The following ZNF786 variants were observed in gnomAD, a reference collection of about 807,000 sequenced individuals.
The protein encoded by ZNF786 is zinc finger protein 786.
ZNF786 carries 56 observed loss-of-function variants against 63.1 expected under a neutral mutation model. That is an observed-to-expected ratio of 0.89 (90% confidence interval 0.72 to 1.11). ZNF786 has a LOEUF of 1.11. ZNF786 is among the 50% of genes least tolerant of loss of function. The probability of loss-of-function intolerance (pLI) is 0.00; values close to 1 mark genes in which losing one functional copy is unlikely to be tolerated. For missense variants in ZNF786, 1,213 were observed against 1,041.8 expected (o/e 1.16, Z -2.26); for synonymous variants, 485 against 406.9 (o/e 1.19, Z -2.31).
In ZNF786 at chr7:149,072,342, G is replaced by A. The variant is rs747121177; in HGVS notation, c.430C>T (p.His144Tyr). Residue 144 changes from histidine to tyrosine, a missense_variant, in exon 4 of 4, where the codon CAC becomes TAC. Physicochemically the swap from His to Tyr is moderately conservative, Grantham distance 83 (BLOSUM62 2). Coordinates refer to ENST00000491431, the MANE Select transcript of ZNF786 (RefSeq NM_152411.4). ...QGITLGSPQR[H>Y]DARAPPPLAC... Reference sequence around the variant, plus strand: ...AGTGGTGGAGGAGCCCTGGCGTCGTGTCTCTGTGGGCTCCCGAGGGTGATG... The same window carrying A: ...AGTGGTGGAGGAGCCCTGGCGTCGTATCTCTGTGGGCTCCCGAGGGTGATG... 1 of 1,613,796 alleles carries A rather than the reference G, an allele frequency of 6.2e-7. No homozygotes were observed. The highest frequency in any genetic ancestry group is 1.1e-5 in the South Asian group (1 of 91,020).
intron 1 of ZNF786, among the ~76,000 whole-genome samples, chr7:149,084,966 G>C (rs1320900929): frequency 1.3e-5 from 2 of 152,140 alleles, no homozygotes; most frequent in East Asian, 3.8e-4. Context: ...GTTGATTTTT[G>C]TATATGGTGT....
rs1415245120 is a variant in ZNF786, at chr7:149,072,348, G to C, written c.424C>G (p.Gln142Glu). Reference protein sequence around the residue: ...PDQGITLGSPQRHDARAPPPL... With the variant: ...PDQGITLGSPERHDARAPPPL... ...GGAGGAGCCCTGGCGTCGTGTCTCT[G>C]TGGGCTCCCGAGGGTGATGCCTTGG... The change falls in exon 4 of 4, where the codon CAG (glutamine) becomes GAG (glutamate). Residue 142 changes from glutamine (Q) to glutamate (E), a missense_variant. Physicochemically the swap from Gln to Glu is conservative, Grantham distance 29 (BLOSUM62 2). Transcript: ENST00000491431. 6.2e-7 allele frequency: 1 copy of C among 1,613,654 alleles called. No homozygotes were observed. The highest frequency in any genetic ancestry group is 1.7e-5 in the Admixed American group (1 of 59,960).
intron 2 of ZNF786, among the ~76,000 whole-genome samples, chr7:149,076,062 C>A (rs1042171208): frequency 2.6e-5 from 4 of 151,988 alleles, no homozygotes; most frequent in African/African-American, 9.7e-5. Context: ...GTACATTATT[C>A]CTATGCATGT....
chr7:149,071,887 A>T lies in ZNF786; in HGVS notation c.885T>A (p.Pro295=), dbSNP rs1825428379. 8.7e-6 allele frequency: 14 copies of T among 1,603,062 alleles called. No individual in the cohort carries two copies. Among genetic ancestry groups the T allele is most frequent in the Non-Finnish European group, 1.2e-5 (14 of 1,176,654 alleles). The change falls in exon 4 of 4, where the codon CCT becomes CCA. Residue 295 remains proline, a synonymous_variant. Coordinates refer to ENST00000491431, the MANE Select transcript of ZNF786 (RefSeq NM_152411.4). Reference sequence around the variant, plus strand: ...GCTTGCCGCATGGGGTGCACTGGGCAGGCTTCTCCCCCTGCTGCGGGAGGC... The same window carrying T: ...GCTTGCCGCATGGGGTGCACTGGGCTGGCTTCTCCCCCTGCTGCGGGAGGC... ...SHRLPQQGEK[P]AQCTPCGKRS...
At chr7:149,086,713 G>C (rs776211812) in intron 1 of ZNF786, among the ~76,000 whole-genome samples, 4 of 152,022 alleles carry the variant, frequency 2.6e-5, no homozygotes, top group South Asian at 2.1e-4. Context: ...AAGACAGAAG[G>C]GGGGATGTCA....
chr7:149,081,600 A>C (rs1015959895), intron 1 of ZNF786, among the ~76,000 whole-genome samples: 1 of 152,176 alleles, frequency 6.6e-6, no homozygotes, highest in Non-Finnish European at 1.5e-5. Context: ...AAAAGAATGC[A>C]GCACATTTAC....
intron 2 of ZNF786, among the ~76,000 whole-genome samples, 157 bp downstream of exon 2, chr7:149,080,434 G>A (rs1209326864): frequency 6.6e-6 from 1 of 152,126 alleles, no homozygotes; most frequent in Non-Finnish European, 1.5e-5. Context: ...GATTAACAAT[G>A]TTGACAAAAG....
rs750736880 is a variant in ZNF786, at chr7:149,070,774, G to A, written c.1998C>T (p.His666=). Residue 666 remains histidine, a synonymous_variant, in exon 4 of 4, where the codon CAC becomes CAT. Transcript: ENST00000491431. ...GCTTCTCTCCCGTGTGCGTTCTGAT[G>A]TGCTCGATGAGCTTTGAGTGTTTCA... ...GFVKHSKLIE[H]IRTHTGEKPF... The A allele has an allele frequency of 6.2e-7, 1 of 1,613,704 alleles. No individual in the cohort carries two copies. Among genetic ancestry groups the A allele is most frequent in the South Asian group, 1.1e-5 (1 of 91,082 alleles).
rs1346271225 is a variant in ZNF786, at chr7:149,072,139, C to G, written c.633G>C (p.Lys211Asn). The change falls in exon 4 of 4, where the codon AAG becomes AAC. Residue 211 changes from lysine to asparagine, a missense_variant. Coordinates refer to ENST00000491431, the MANE Select transcript of ZNF786 (RefSeq NM_152411.4). ...TCTCCCAGGCCCTACGTGTCCGGTC[C>G]TTTGAGTGGCCTCTCTGGTGCATTA... The part of the protein sequence containing the change: ...HLVMHQRGHS[K>N]DRTRRAWEKF... 1.9e-6 allele frequency: 3 copies of G among 1,613,242 alleles called. No homozygotes were observed. The highest frequency in any genetic ancestry group is 1.7e-5 in the Admixed American group (1 of 59,902).
intron 1 of ZNF786, 80 bp from the exon 2 acceptor site, chr7:149,080,797 G>T (rs1047522122): frequency 6.7e-7 from 1 of 1,501,336 alleles, no homozygotes; most frequent in Non-Finnish European, 8.9e-7. Flanking sequence ...TAATTTAAAA[G>T]ACTTCTGCAG....
chr7:149,072,152 C>A lies in ZNF786; in HGVS notation c.620G>T (p.Arg207Ile). 1 of 1,613,206 alleles carries A rather than the reference C, an allele frequency of 6.2e-7. No individual in the cohort carries two copies. Among genetic ancestry groups the A allele is most frequent in the Admixed American group, 1.7e-5 (1 of 59,892 alleles). Residue 207 changes from arginine (R) to isoleucine (I), a missense_variant, in exon 4 of 4, where the codon AGA becomes ATA. Coordinates refer to ENST00000491431, the MANE Select transcript of ZNF786 (RefSeq NM_152411.4). ...WENNHLVMHQ[R>I]GHSKDRTRRA... Reference sequence around the variant, plus strand: ...ACGTGTCCGGTCCTTTGAGTGGCCTCTCTGGTGCATTACTAAATGGTTGTT... The same window carrying A: ...ACGTGTCCGGTCCTTTGAGTGGCCTATCTGGTGCATTACTAAATGGTTGTT...
At chr7:149,082,786 T>C (rs1825674539) in intron 1 of ZNF786, among the ~76,000 whole-genome samples, 1 of 152,116 alleles carries the variant, frequency 6.6e-6, no homozygotes, top group African/African-American at 2.4e-5. Flanking sequence ...TTTCACCATG[T>C]TGGTCAGGCT....
chr7:149,084,621 C>T (rs1376018907), intron 1 of ZNF786, among the ~76,000 whole-genome samples: 1 of 152,154 alleles, frequency 6.6e-6, no homozygotes, highest in Non-Finnish European at 1.5e-5. Flanking sequence ...AGTGTCTGTT[C>T]ATGTCCTTTG....
intron 1 of ZNF786, among the ~76,000 whole-genome samples, chr7:149,085,564 C>G (rs1825722272): frequency 6.6e-6 from 1 of 152,216 alleles, no homozygotes; most frequent in African/African-American, 2.4e-5. Flanking sequence ...ATCTGCCCGC[C>G]TTGGCCTCCT....
rs1825385704 is a variant in ZNF786, at chr7:149,070,655, C to T, written c.2117G>A (p.Cys706Tyr). The change falls in exon 4 of 4, where the codon TGC becomes TAC. Residue 706 changes from cysteine (C) to tyrosine (Y), a missense_variant. Transcript: ENST00000491431. ...CCGGAAGTTCTTGTCACACTCAGGG[C>T]AGTGAAAAGGCCTCTCCCCTGTGTG... Reference protein sequence around the residue: ...GLHTGERPFHCPECDKNFRER... With the variant: ...GLHTGERPFHYPECDKNFRER... 6.2e-7 allele frequency: 1 copy of T among 1,613,980 alleles called. No homozygotes were observed. The highest frequency in any genetic ancestry group is 1.7e-5 in the Admixed American group (1 of 60,030).
chr7:149,073,628 A>AAT, intron 3 of ZNF786, among the ~76,000 whole-genome samples: 1 of 150,940 alleles, frequency 6.6e-6, no homozygotes, highest in East Asian at 1.9e-4. Context: ...ACTGTCTCTC[A>AAT]ATATATATAC....
At position 149,084,853 on chromosome 7, in the gene ZNF786, C is replaced by T. The variant is rs191066197; in HGVS notation, c.19-4136G>A. ...GCAGTTGCTTTTGGAGTCTTCATCACGAAATCTTTGCCAGGGCCTATGTCC... is the reference window on the plus strand; with the variant it reads ...GCAGTTGCTTTTGGAGTCTTCATCATGAAATCTTTGCCAGGGCCTATGTCC... On this transcript the variant is annotated intron_variant, in intron 1 of 3. Transcript: ENST00000491431. Among the ~76,000 whole-genome samples, 5 of 152,226 alleles carry T rather than the reference C, an allele frequency of 3.3e-5. No homozygotes were observed. In the East Asian group the frequency reaches 5.8e-4, roughly 18 times the overall value.
At chr7:149,083,931 T>A (rs879812973) in intron 1 of ZNF786, among the ~76,000 whole-genome samples, 1 of 152,234 alleles carries the variant, frequency 6.6e-6, no homozygotes, top group Non-Finnish European at 1.5e-5. Flanking sequence ...CAGTCTGCCA[T>A]TGATGGGCAT....
intron 2 of ZNF786, among the ~76,000 whole-genome samples, chr7:149,079,369 G>A (rs1402642518): frequency 1.3e-5 from 2 of 150,966 alleles, no homozygotes; most frequent in Non-Finnish European, 3.0e-5. Flanking sequence ...AGATCCCGCC[G>A]CTGCACTCCA....
Sources: allele counts gnomAD v4.1 joint callset (sites outside exome capture counted in the v4.1 genomes callset), GRCh38; gene constraint gnomAD v4.1.1; transcripts MANE v1.5; gene names NCBI Gene and HGNC (gene_info 2026-07-23, HGNC 2026-07-21).